ZNF665: variants seen among roughly 807,000 people sequenced by gnomAD.
The protein encoded by ZNF665 is zinc finger protein 665.
ZNF665 carries 6 observed loss-of-function variants against 7.9 expected under a neutral mutation model. That is an observed-to-expected ratio of 0.76 (90% CI 0.42 to 1.50). The LOEUF (loss-of-function observed/expected upper bound fraction) is 1.50. ZNF665 is among the 40% of genes most tolerant of loss of function. The probability of loss-of-function intolerance (pLI) is 0.01; values close to 1 mark genes in which losing one functional copy is unlikely to be tolerated. For missense variants in ZNF665, 819 were observed against 806.7 expected (o/e 1.02, Z -0.18); for synonymous variants, 242 against 274.5 (o/e 0.88, Z 1.17).
intron 3 of ZNF665, among the ~76,000 whole-genome samples, chr19:53,174,470 C>T (rs1177195617): frequency 1.3e-5 from 2 of 152,160 alleles, no homozygotes; most frequent in Non-Finnish European, 2.9e-5. Flanking sequence ...CAGGGTGTTT[C>T]TCAAACACTG....
intron 1 of ZNF665, chr19:53,191,952 T>C (rs2090820456): frequency 6.6e-6 from 1 of 152,314 alleles, no homozygotes; most frequent in Non-Finnish European, 1.5e-5. Context: ...CCCCTCTTTC[T>C]TCCTTCCTGT....
chr19:53,188,859 A>G (rs1314158591), intron 1 of ZNF665, among the ~76,000 whole-genome samples: 1 of 151,846 alleles, frequency 6.6e-6, no homozygotes, highest in Non-Finnish European at 1.5e-5. Context: ...CACCACGGCC[A>G]GCTAATTTTT....
At chr19:53,185,224 G>A (rs144108632) in intron 1 of ZNF665, among the ~76,000 whole-genome samples, 5,552 of 151,766 alleles carry the variant, frequency 0.037, 255 homozygotes, top group African/African-American at 0.11. Flanking sequence ...GCTAAGTAGC[G>A]GGTGTTGTTC....
Position 53,165,297 on chromosome 19 carries a change from C to A in ZNF665, c.1193G>T (p.Gly398Val). ...TTCATTACATTTGAAAGGCTTTTCT[C>A]CGGTATGGATGATCTGATGCTTAGT... The part of the protein sequence containing the change: ...NLTKHQIIHT[G>V]EKPFKCNECV... The change falls in exon 4 of 4, where the codon GGA (glycine) becomes GTA (valine). Residue 398 changes from glycine to valine, a missense_variant. Gly to Val is a moderately radical substitution (Grantham distance 109, BLOSUM62 -3). Coordinates refer to ENST00000396424, the MANE Select transcript of ZNF665 (RefSeq NM_024733.5). 6.2e-7 allele frequency: 1 copy of A among 1,613,270 alleles called. No individual in the cohort carries two copies.
chr19:53,191,218 G>A (rs570348582), intron 1 of ZNF665, among the ~76,000 whole-genome samples: 6 of 152,308 alleles, frequency 3.9e-5, no homozygotes, highest in East Asian at 3.9e-4. Flanking sequence ...GCGTGTTGGT[G>A]AGGAGAAATC....
chr19:53,164,894 A>T lies in ZNF665; in HGVS notation c.1596T>A (p.His532Gln). ...AFSVHSSLTIHQTIHTGQKPY... is the reference protein window; with the variant it reads ...AFSVHSSLTIQQTIHTGQKPY... ...GTTTTTGTCCAGTATGTATTGTCTG[A>T]TGTATAGTTAGGCTTGAATGAACAC... Residue 532 changes from histidine to glutamine, a missense_variant, in exon 4 of 4, where the codon CAT becomes CAA. Transcript: ENST00000396424. The T allele has an allele frequency of 6.2e-7, 1 of 1,614,164 alleles. No individual in the cohort carries two copies. The highest frequency in any genetic ancestry group is 8.5e-7 in the Non-Finnish European group (1 of 1,180,030).
chr19:53,171,066 C>A (rs2090653542), intron 3 of ZNF665, among the ~76,000 whole-genome samples: 1 of 152,120 alleles, frequency 6.6e-6, no homozygotes, highest in Non-Finnish European at 1.5e-5. Context: ...CTCACTGCAA[C>A]CTCCACCTCC....
At chr19:53,167,087 C>T (rs918814704) in intron 3 of ZNF665, among the ~76,000 whole-genome samples, 16 of 152,128 alleles carry the variant, frequency 1.1e-4, no homozygotes, top group African/African-American at 2.7e-4. Flanking sequence ...CCGCAACCTC[C>T]GCCTCCCAGG....
chr19:53,166,818 C>A (rs1159196254), intron 3 of ZNF665, among the ~76,000 whole-genome samples: 4 of 152,116 alleles, frequency 2.6e-5, no homozygotes, highest in African/African-American at 4.8e-5. Context: ...AATTAAAGAA[C>A]TAGTAATTTT....
intron 1 of ZNF665, among the ~76,000 whole-genome samples, chr19:53,185,239 C>A (rs981868220): frequency 1.3e-5 from 2 of 151,868 alleles, no homozygotes; most frequent in African/African-American, 4.8e-5. Flanking sequence ...TTGTTCCTTG[C>A]CACTTACGCT....
chr19:53,188,328 G>A (rs796870283), intron 1 of ZNF665, among the ~76,000 whole-genome samples: 18 of 1,622 alleles, frequency 0.011, 5 homozygotes, highest in East Asian at 0.083. Context: ...CTGCAATCCC[G>A]GCACCTCGGG....
chr19:53,189,374 G>A (rs1023629965), intron 1 of ZNF665, among the ~76,000 whole-genome samples: 5 of 151,174 alleles, frequency 3.3e-5, no homozygotes, highest in African/African-American at 1.2e-4. Flanking sequence ...ATGTCTGGCT[G>A]CGCTGTTATT....
intron 1 of ZNF665, among the ~76,000 whole-genome samples, chr19:53,185,502 T>C (rs1003308606): frequency 3.9e-5 from 6 of 152,146 alleles, no homozygotes; most frequent in Non-Finnish European, 7.3e-5. Flanking sequence ...TGATTAATGA[T>C]ATTCATATAT....
At chr19:53,182,368 C>G in intron 2 of ZNF665, 1 of 318,304 alleles carries the variant, frequency 3.1e-6, no homozygotes, top group Non-Finnish European at 5.9e-6. Context: ...GAGACTCTGT[C>G]TCAACAAAAA....
In ZNF665 at chr19:53,165,826, T is replaced by A; in HGVS notation, c.664A>T (p.Thr222Ser). 1 of 1,614,110 alleles carries A rather than the reference T, an allele frequency of 6.2e-7. No homozygotes were observed. Among genetic ancestry groups the A allele is most frequent in the African/African-American group, 1.3e-5 (1 of 75,050 alleles). The stretch of plus-strand genomic sequence containing the variant: ...CCAGTATGGATGACCTGATGGATTG[T>A]TAGGTTTGAACGAACAGTAAAGGCT... ...GKAFTVRSNL[T>S]IHQVIHTGEK... Residue 222 changes from threonine (T) to serine (S), a missense_variant, in exon 4 of 4, where the codon ACA (threonine) becomes TCA (serine). By Grantham distance (58) the Thr-to-Ser change is moderately conservative. Transcript: ENST00000396424.
intron 2 of ZNF665, 149 bp downstream of exon 2, chr19:53,182,735 T>C (rs771480675): frequency 3.0e-6 from 4 of 1,354,064 alleles, no homozygotes; most frequent in Non-Finnish European, 4.2e-6. Flanking sequence ...GGAATCTAAG[T>C]GAGATGAGAG....
chr19:53,166,107 T>C lies in ZNF665; in HGVS notation c.383A>G (p.Asp128Gly), dbSNP rs2090612730. 1 of 1,613,998 alleles carries C rather than the reference T, an allele frequency of 6.2e-7. No individual in the cohort carries two copies. The highest frequency in any genetic ancestry group is 1.1e-5 in the South Asian group (1 of 91,078). ...ATGCCTGTTTCCTGCAGCCCTTCTA[T>C]CACGTTGAGCTCTTCTACCAGGGAG... Reference protein sequence around the residue: ...ENLPGRRAQRDRRAAGNRHIE... With the variant: ...ENLPGRRAQRGRRAAGNRHIE... Residue 128 changes from aspartate to glycine, a missense_variant, in exon 4 of 4, where the codon GAT becomes GGT. Transcript: ENST00000396424.
At chr19:53,176,017 C>A (rs186108093) in intron 2 of ZNF665, among the ~76,000 whole-genome samples, 1 of 152,096 alleles carries the variant, frequency 6.6e-6, no homozygotes, top group African/African-American at 2.4e-5. Context: ...AAAAATTAGC[C>A]GGGCATGGTG....
At chr19:53,167,462 CT>C (rs926347892) in intron 3 of ZNF665, among the ~76,000 whole-genome samples, 2 of 150,096 alleles carry the variant, frequency 1.3e-5, no homozygotes, top group African/African-American at 4.9e-5. Context: ...ATTTCTCTCT[CT>C]TTTTTTTTGG....
Sources: gnomAD v4.1 joint callset for allele counts (sites outside exome capture counted in the v4.1 genomes callset) on GRCh38, gnomAD v4.1.1 for gene constraint, MANE v1.5 for transcripts, NCBI Gene and HGNC (gene_info 2026-07-23, HGNC 2026-07-21) for gene names.